The following FSIP2 variants were observed in gnomAD, a reference collection of about 807,000 sequenced individuals.
FSIP2 encodes fibrous sheath-interacting protein 2.
A neutral mutation model predicts 510.5 loss-of-function variants in FSIP2; 367 were observed. The ratio of observed to expected loss-of-function variants is 0.72; its 90% CI spans 0.66 to 0.78. The LOEUF (loss-of-function observed/expected upper bound fraction) is 0.78, where lower values mean the gene tolerates loss of function less well. FSIP2 is among the 30% of genes least tolerant of loss of function. The probability of loss-of-function intolerance (pLI) is 0.00; values close to 1 mark genes in which losing one functional copy is unlikely to be tolerated. For synonymous variants in FSIP2, 2,601 were observed against 2,732.2 expected, an observed-to-expected ratio of 0.95 and a Z score of 1.50; for missense variants, 7,594 against 7,901.7, an observed-to-expected ratio of 0.96 and a Z score of 1.48.
chr2:185,784,443 A>G (rs1385548750), intron 14 of FSIP2, among the ~76,000 whole-genome samples: 1 of 152,062 alleles, frequency 6.6e-6, no homozygotes, highest in Non-Finnish European at 1.5e-5. Context: ...ACACCAATAT[A>G]TAGGAAAAAT....
chr2:185,796,112 T>C lies in FSIP2; in HGVS notation c.8976T>C (p.Ile2992=). 1.3e-6 allele frequency: 2 copies of C among 1,534,424 alleles called. No homozygotes were observed. Among genetic ancestry groups the C allele is most frequent in the Non-Finnish European group, 1.7e-6 (2 of 1,146,030 alleles). ...CCAGCAACCAAATTGTTCAAGAGAT[T>C]GTAGAAACGGTTTTAAACATGTTAG... ...VGSSNQIVQE[I]VETVLNMLES... Residue 2992 remains isoleucine, a synonymous_variant, in exon 16 of 23, where the codon ATT becomes ATC. Coordinates refer to ENST00000424728, the MANE Select transcript of FSIP2 (RefSeq NM_173651.4).
Position 185,808,647 on chromosome 2 carries a change from T to A in FSIP2, c.19341T>A (p.Asn6447Lys). 1 of 1,606,364 alleles carries A rather than the reference T, an allele frequency of 6.2e-7. No individual in the cohort carries two copies. The highest frequency in any genetic ancestry group is 1.7e-5 in the Admixed American group (1 of 58,928). ...KEFYYDIKDT[N>K]TAFPKKVASL... ...TTTATTATGATATAAAAGATACAAATACAGCCTTTCCTAAAAAAGTGGCTA... is the reference window on the plus strand; with the variant it reads ...TTTATTATGATATAAAAGATACAAAAACAGCCTTTCCTAAAAAAGTGGCTA... The change falls in exon 17 of 23, where the codon AAT becomes AAA. Residue 6447 changes from asparagine (N) to lysine (K), a missense_variant. By Grantham distance (94) the Asn-to-Lys change is moderately conservative (BLOSUM62 0). Coordinates refer to ENST00000424728, the MANE Select transcript of FSIP2 (RefSeq NM_173651.4).
intron 1 of FSIP2, 33 bp from the exon 2 acceptor site, chr2:185,739,313 G>C (rs1380217507): frequency 5.3e-6 from 8 of 1,502,252 alleles, no homozygotes; most frequent in African/African-American, 1.4e-5. Flanking sequence ...CTGCCTAAAA[G>C]GAAAGACAAA....
Position 185,808,270 on chromosome 2 carries a change from G to T in FSIP2, c.18964G>T (p.Val6322Leu). ...VLEAVKIMEK[V>L]IKIIDELKSK... Reference sequence around the variant, plus strand: ...GGAAGCTGTCAAAATTATGGAAAAAGTGATCAAAATTATTGATGAACTTAA... The same window carrying T: ...GGAAGCTGTCAAAATTATGGAAAAATTGATCAAAATTATTGATGAACTTAA... The change falls in exon 17 of 23, where the codon GTG becomes TTG. Residue 6322 changes from valine (V) to leucine (L), a missense_variant. Transcript: ENST00000424728. 1 of 1,601,734 alleles carries T rather than the reference G, an allele frequency of 6.2e-7. No individual in the cohort carries two copies. Among genetic ancestry groups the T allele is most frequent in the South Asian group, 1.1e-5 (1 of 88,420 alleles).
intron 12 of FSIP2, 43 bp downstream of exon 12, chr2:185,763,332 G>C: frequency 2.5e-6 from 2 of 795,798 alleles, no homozygotes; most frequent in Non-Finnish European, 4.2e-6. Context: ...CACAATAAAA[G>C]GGATATGATC....
In FSIP2 at chr2:185,793,185, G is replaced by A. The variant is rs753045240; in HGVS notation, c.6049G>A (p.Glu2017Lys). 9.1e-6 allele frequency: 14 copies of A among 1,533,768 alleles called. No individual in the cohort carries two copies. The highest frequency in any genetic ancestry group is 1.2e-5 in the Non-Finnish European group (14 of 1,145,482). Residue 2017 changes from glutamate (E) to lysine (K), a missense_variant, in exon 16 of 23, where the codon GAA (glutamate) becomes AAA (lysine). Coordinates refer to ENST00000424728, the MANE Select transcript of FSIP2 (RefSeq NM_173651.4). ...ARRNLQGIKQ[E>K]LDKERENPFL... ...AAGAAATTTACAAGGAATCAAACAGGAATTAGATAAAGAAAGGGAAAATCC... is the reference window on the plus strand; with the variant it reads ...AAGAAATTTACAAGGAATCAAACAGAAATTAGATAAAGAAAGGGAAAATCC...
Position 185,805,036 on chromosome 2 carries a change from G to A in FSIP2, c.15730G>A (p.Glu5244Lys). ...TTTACAGCCATTTTTACATGGTGAA[G>A]AATCATCTTTCAGTGACTTATCTGA... ...HHLQPFLHGE[E>K]SSFSDLSDYD... Residue 5244 changes from glutamate (E) to lysine (K), a missense_variant, in exon 17 of 23, where the codon GAA becomes AAA. Glu to Lys is a moderately conservative substitution (Grantham distance 56). Coordinates refer to ENST00000424728, the MANE Select transcript of FSIP2 (RefSeq NM_173651.4). 1 of 1,597,138 alleles carries A rather than the reference G, an allele frequency of 6.3e-7. No homozygotes were observed. The highest frequency in any genetic ancestry group is 1.1e-5 in the South Asian group (1 of 89,480).
At chr2:185,809,789 A>G (rs1693687944) in intron 17 of FSIP2, among the ~76,000 whole-genome samples, 1 of 151,944 alleles carries the variant, frequency 6.6e-6, no homozygotes, top group African/African-American at 2.4e-5. Flanking sequence ...TATTTTTATG[A>G]GCCTCTTCCC....
intron 2 of FSIP2, among the ~76,000 whole-genome samples, chr2:185,741,002 T>G (rs1691912147): frequency 6.6e-6 from 1 of 152,208 alleles, no homozygotes; most frequent in African/African-American, 2.4e-5. Flanking sequence ...TTCTACTAGA[T>G]TAGAGCAAGT....
In FSIP2 at chr2:185,788,700, A is replaced by G. The variant is rs750819058; in HGVS notation, c.1564A>G (p.Thr522Ala). The change falls in exon 16 of 23, where the codon ACA (threonine) becomes GCA (alanine). Residue 522 changes from threonine to alanine, a missense_variant. Coordinates refer to ENST00000424728, the MANE Select transcript of FSIP2 (RefSeq NM_173651.4). ...IQNVMTWVVA[T>A]VTSILYPAIT... is the part of the protein sequence containing the mutation. ...GAATGTAATGACCTGGGTTGTGGCT[A>G]CAGTGACCAGTATATTGTACCCAGC... 3 of 1,532,742 alleles carry G rather than the reference A, an allele frequency of 2.0e-6. No homozygotes were observed. Among genetic ancestry groups the G allele is most frequent in the Non-Finnish European group, 2.6e-6 (3 of 1,144,668 alleles). The allele number at this position is 1,532,742 out of a possible 1,614,324, so 94.9% of individuals were successfully genotyped here. A position where few individuals can be genotyped will look rare whatever the true frequency, so the allele number is the denominator to read the frequency against.
At chr2:185,811,895 A>G (rs949435709) in intron 17 of FSIP2, among the ~76,000 whole-genome samples, 14 of 152,120 alleles carry the variant, frequency 9.2e-5, no homozygotes, top group Admixed American at 6.5e-4. Flanking sequence ...GAGACTTCTC[A>G]GCCTCTGCCT....
chr2:185,755,681 A>T (rs577342970), intron 8 of FSIP2, among the ~76,000 whole-genome samples: 4 of 151,642 alleles, frequency 2.6e-5, no homozygotes, highest in Non-Finnish European at 5.9e-5. Flanking sequence ...GAAACAGATC[A>T]CTCTTATAGT....
chr2:185,819,169 G>GTAA (rs752138732), intron 19 of FSIP2, among the ~76,000 whole-genome samples: 7 of 151,744 alleles, frequency 4.6e-5, no homozygotes, highest in Non-Finnish European at 7.4e-5. Context: ...AATCCTTGTA[G>GTAA]TAAGCACAAA....
rs1344494420 is a variant in FSIP2, at chr2:185,739,518, G to C, written c.225+47G>C. On this transcript the variant is annotated intron_variant, in intron 2 of 22. Coordinates refer to ENST00000424728, the MANE Select transcript of FSIP2 (RefSeq NM_173651.4). ...TTCTTTCCTTTACCCTTTACTACTTGCTGTTTAACTCAAAGGCTGCATCAT... is the reference window on the plus strand; with the variant it reads ...TTCTTTCCTTTACCCTTTACTACTTCCTGTTTAACTCAAAGGCTGCATCAT... 40 of 1,403,786 alleles carry C rather than the reference G, an allele frequency of 2.8e-5. No individual in the cohort carries two copies. In the South Asian group the frequency reaches 5.5e-4, roughly 19 times the overall value. 87.0% of individuals were successfully genotyped at this position (1,403,786 alleles called of 1,614,324 possible). A position where few individuals can be genotyped will look rare whatever the true frequency, so the allele number is the denominator to read the frequency against.
At chr2:185,820,918 T>G (rs1002165305) in intron 19 of FSIP2, among the ~76,000 whole-genome samples, 1 of 147,786 alleles carries the variant, frequency 6.8e-6, no homozygotes, top group African/African-American at 2.5e-5. Context: ...CTGAAAGGTA[T>G]TAAGTAGAAG....
intron 18 of FSIP2, 72 bp from the exon 19 acceptor site, chr2:185,815,298 CA>C: frequency 1.4e-6 from 1 of 728,832 alleles, no homozygotes; most frequent in Non-Finnish European, 2.4e-6. Context: ...GATTATACTG[CA>C]AAAAATGCCA....
At chr2:185,764,163 C>T (rs1692412435) in intron 12 of FSIP2, among the ~76,000 whole-genome samples, 1 of 151,584 alleles carries the variant, frequency 6.6e-6, no homozygotes, top group East Asian at 1.9e-4. Flanking sequence ...GCACTATCAG[C>T]ATTGCCATCC....
chr2:185,740,936 A>G (rs1035365704), intron 2 of FSIP2, among the ~76,000 whole-genome samples: 1 of 143,920 alleles, frequency 6.9e-6, no homozygotes, highest in African/African-American at 2.5e-5. Flanking sequence ...TGATTTCTTA[A>G]AACAAGTTTT....
rs1693304692 is a variant in FSIP2, at chr2:185,797,053, A to C, written c.9917A>C (p.Glu3306Ala). The change falls in exon 16 of 23, where the codon GAG (glutamate) becomes GCG (alanine). Residue 3306 changes from glutamate to alanine, a missense_variant. By Grantham distance (107) the Glu-to-Ala change is moderately radical. Coordinates refer to ENST00000424728, the MANE Select transcript of FSIP2 (RefSeq NM_173651.4). ...KGENLRVFHY[E>A]NLKPVVEPNQ... The stretch of plus-strand genomic sequence containing the variant: ...GAAAATCTAAGAGTGTTTCATTATG[A>C]GAACCTAAAACCAGTTGTTGAACCA... 1 of 1,535,300 alleles carries C rather than the reference A, an allele frequency of 6.5e-7. No individual in the cohort carries two copies. Among genetic ancestry groups the C allele is most frequent in the African/African-American group, 1.4e-5 (1 of 73,050 alleles).
Sources: gnomAD v4.1 joint callset for allele counts (sites outside exome capture counted in the v4.1 genomes callset) on GRCh38, gnomAD v4.1.1 for gene constraint, MANE v1.5 for transcripts, NCBI Gene and HGNC (gene_info 2026-07-23, HGNC 2026-07-21) for gene names.